The following TOX variants were observed in gnomAD, a reference collection of about 807,000 sequenced individuals.
The protein encoded by TOX is thymocyte selection-associated high mobility group box protein TOX.
A neutral mutation model predicts 53.7 loss-of-function variants in TOX; 11 were observed. That is an observed-to-expected ratio of 0.20 (90% CI 0.13 to 0.34). The LOEUF (loss-of-function observed/expected upper bound fraction) is 0.34, where lower values mean the gene tolerates loss of function less well. TOX is among the 10% of genes least tolerant of loss of function. TOX has a pLI of 1.00. For synonymous variants in TOX, 225 were observed against 245.3 expected, an observed-to-expected ratio of 0.92 and a Z score of 0.77; for missense variants, 570 against 664.6, an observed-to-expected ratio of 0.86 and a Z score of 1.56.
intron 4 of TOX, among the ~76,000 whole-genome samples, chr8:58,843,753 G>A (rs1401563030): frequency 6.6e-6 from 1 of 152,142 alleles, no homozygotes; most frequent in Admixed American, 6.5e-5. Flanking sequence ...GTGTGGAAAG[G>A]ATGCAGAAAT....
At chr8:58,897,607 T>A (rs1415358778) in intron 3 of TOX, among the ~76,000 whole-genome samples, 1 of 152,228 alleles carries the variant, frequency 6.6e-6, no homozygotes, top group Non-Finnish European at 1.5e-5. Flanking sequence ...AGTGATGGAA[T>A]ATTCATGAGG....
At chr8:58,956,594 A>G (rs1488726589) in intron 2 of TOX, among the ~76,000 whole-genome samples, 1 of 152,124 alleles carries the variant, frequency 6.6e-6, no homozygotes. Flanking sequence ...CAAACATCCC[A>G]AATACTATAT....
chr8:59,041,073 C>CGTGTGT (rs61657323), intron 1 of TOX, among the ~76,000 whole-genome samples: 6,457 of 143,868 alleles, frequency 0.045, 202 homozygotes, highest in East Asian at 0.15. Flanking sequence ...AAAGGGACTC[C>CGTGTGT]GTGTGTGTGT....
At chr8:58,809,983 C>T (rs1810051039) in intron 7 of TOX, among the ~76,000 whole-genome samples, 2 of 152,028 alleles carry the variant, frequency 1.3e-5, no homozygotes, top group Admixed American at 1.3e-4. Flanking sequence ...TCAGGGATTT[C>T]CTATCTTTTT....
chr8:58,959,990 A>T lies in TOX; in HGVS notation c.121T>A (p.Tyr41Asn). 6.2e-7 allele frequency: 1 copy of T among 1,614,220 alleles called. No individual in the cohort carries two copies. The change falls in exon 2 of 9, where the codon TAT (tyrosine) becomes AAT (asparagine). Residue 41 changes from tyrosine to asparagine, a missense_variant. Around this residue, in one of 3 missense-constraint regions of TOX, gnomAD observed 282 missense variants for 315.0 expected, o/e 0.90. Transcript: ENST00000361421. Reference sequence around the variant, plus strand: ...TGGCTCGGCTCTGTCATGCTCATATACATGTTCTCACCGTCAAACTGCGAA... The same window carrying T: ...TGGCTCGGCTCTGTCATGCTCATATTCATGTTCTCACCGTCAAACTGCGAA... ...YCNKFDGENM[Y>N]MSMTEPSQDY... is the part of the protein sequence containing the mutation.
At chr8:58,852,157 T>C (rs925874033) in intron 3 of TOX, among the ~76,000 whole-genome samples, 1 of 152,116 alleles carries the variant, frequency 6.6e-6, no homozygotes, top group African/African-American at 2.4e-5. Context: ...TTATATAACG[T>C]AAGTTTCAAG....
intron 1 of TOX, among the ~76,000 whole-genome samples, chr8:58,998,118 T>G (rs567159836): frequency 6.2e-4 from 95 of 152,262 alleles, no homozygotes; most frequent in African/African-American, 2.2e-3. Context: ...GTAATATTTT[T>G]CTCATGTTAA....
chr8:58,965,251 C>A (rs1387842655), intron 1 of TOX, among the ~76,000 whole-genome samples: 1 of 152,116 alleles, frequency 6.6e-6, no homozygotes, highest in Non-Finnish European at 1.5e-5. Flanking sequence ...TGACCAAGCG[C>A]TTTTAGACTC....
chr8:58,967,687 T>C (rs1182671653), intron 1 of TOX, among the ~76,000 whole-genome samples: 1 of 152,248 alleles, frequency 6.6e-6, no homozygotes, highest in Non-Finnish European at 1.5e-5. Context: ...AGCACCTCTA[T>C]GTCCCTCATG....
chr8:58,842,824 T>C (rs1438067934), intron 4 of TOX, among the ~76,000 whole-genome samples: 2 of 152,216 alleles, frequency 1.3e-5, no homozygotes, highest in Non-Finnish European at 2.9e-5. Flanking sequence ...AAAGCCTAAA[T>C]AATTCCACGC....
intron 4 of TOX, among the ~76,000 whole-genome samples, chr8:58,846,171 T>C (rs1810716003): frequency 6.6e-6 from 1 of 152,142 alleles, no homozygotes; most frequent in Non-Finnish European, 1.5e-5. Context: ...TGACTAAATT[T>C]TATCATTTTC....
intron 3 of TOX, among the ~76,000 whole-genome samples, chr8:58,893,831 A>G (rs17230460): frequency 0.29 from 44,846 of 152,162 alleles, 7,975 homozygotes; most frequent in Non-Finnish European, 0.39. Flanking sequence ...GAAAGCTAAA[A>G]AGAAGATTGA....
At position 58,864,503 on chromosome 8, in the gene TOX, G is replaced by A. The variant is rs544709715; in HGVS notation, c.412-12698C>T. 2.6e-5 allele frequency among the ~76,000 whole-genome samples: 4 copies of A among 152,270 alleles called. No individual in the cohort carries two copies. In the South Asian group the frequency reaches 8.3e-4, roughly 32 times the overall value. ...GCCTAACGTTTCAAAAATAACTTGG[G>A]TTTTTTCATTGGGTCCTAAAAAACA... On this transcript the variant is annotated intron_variant, in intron 3 of 8. Coordinates refer to ENST00000361421, the MANE Select transcript of TOX (RefSeq NM_014729.3).
chr8:58,885,162 G>A (rs1316198978), intron 3 of TOX, among the ~76,000 whole-genome samples: 1 of 152,050 alleles, frequency 6.6e-6, no homozygotes, highest in African/African-American at 2.4e-5. Context: ...TATATGTGAT[G>A]TATATTTATT....
At position 59,094,554 on chromosome 8, in the gene TOX, T is replaced by G. The variant is rs571539829; in HGVS notation, c.102+24332A>C. 2.1e-5 allele frequency among the ~76,000 whole-genome samples: 3 copies of G among 145,926 alleles called. No individual in the cohort carries two copies. In the East Asian group the frequency reaches 5.8e-4, roughly 28 times the overall value. ...ATTACTGTTTTTGAAAGATTTAGAA[T>G]AATACTTGGGGTTTTCATTATTATA... On this transcript the variant is annotated intron_variant, in intron 1 of 8. Transcript: ENST00000361421.
chr8:58,982,493 T>C (rs1208932223), intron 1 of TOX, among the ~76,000 whole-genome samples: 1 of 152,208 alleles, frequency 6.6e-6, no homozygotes, highest in Non-Finnish European at 1.5e-5. Context: ...TTCTTCCCTC[T>C]AAAACTGGTC....
At chr8:59,067,996 T>A (rs1212422081) in intron 1 of TOX, among the ~76,000 whole-genome samples, 1 of 152,218 alleles carries the variant, frequency 6.6e-6, no homozygotes, top group Non-Finnish European at 1.5e-5. Flanking sequence ...ATTAATAAAG[T>A]AACTTGTGAA....
intron 1 of TOX, among the ~76,000 whole-genome samples, chr8:59,092,022 T>C (rs1386950092): frequency 1.3e-5 from 2 of 151,526 alleles, no homozygotes; most frequent in African/African-American, 4.9e-5. Context: ...GGCTGGGGCA[T>C]GTGGATTGCC....
chr8:58,991,972 G>A (rs1179160079), intron 1 of TOX: 1 of 152,314 alleles, frequency 6.6e-6, no homozygotes, highest in Non-Finnish European at 1.5e-5. Flanking sequence ...CTGACGCGTG[G>A]TGGAGACGCC....
Sources: allele counts gnomAD v4.1 joint callset (sites outside exome capture counted in the v4.1 genomes callset), GRCh38; gene constraint gnomAD v4.1.1; regional missense constraint gnomAD v4.1.1; transcripts MANE v1.5; gene names NCBI Gene and HGNC (gene_info 2026-07-23, HGNC 2026-07-21).